The following SKA1 variants were observed in gnomAD, a reference collection of about 807,000 sequenced individuals.
SKA1 encodes the protein SKA complex subunit 1.
Under a neutral mutation model 31.8 loss-of-function variants are expected in SKA1, and 20 were observed. That is an observed-to-expected ratio of 0.63 (90% CI 0.44 to 0.91). The LOEUF (loss-of-function observed/expected upper bound fraction) is 0.91, where lower values mean the gene tolerates loss of function less well. Among genes scored for constraint, SKA1 ranks in the 40% least tolerant of loss-of-function variants. The pLI, the probability that SKA1 is intolerant of heterozygous loss-of-function variation, is 0.00. For missense variants in SKA1, 253 were observed against 298.2 expected (o/e 0.85, Z 1.12); for synonymous variants, 88 against 100.5 (o/e 0.88, Z 0.74).
chr18:50,375,403 G>T (rs1225985845), intron 1 of SKA1, among the ~76,000 whole-genome samples: 1 of 152,228 alleles, frequency 6.6e-6, no homozygotes, highest in Non-Finnish European at 1.5e-5. Flanking sequence ...ATCCCAAACT[G>T]TAAAGCCCCA....
At chr18:50,385,404 C>A in intron 5 of SKA1, 51 bp downstream of exon 5, 4 of 1,399,196 alleles carry the variant, frequency 2.9e-6, no homozygotes, top group South Asian at 2.9e-5. Flanking sequence ...CATAAATGAT[C>A]GTTTAAATAA....
Position 50,392,537 on chromosome 18 carries a change from T to A in SKA1, c.*290T>A, listed in dbSNP as rs1490051490. The A allele has an allele frequency of 5.5e-6, 1 of 182,544 alleles. No homozygotes were observed. The allele number at this position is 182,544 out of a possible 1,614,324, so 11.3% of individuals were successfully genotyped here. A position where few individuals can be genotyped will look rare whatever the true frequency, so the allele number is the denominator to read the frequency against. The stretch of plus-strand genomic sequence containing the variant: ...GCGTGCGCCACCATGCCTGGCTAAT[T>A]TTTGTATTTTTTGGAGAGATGGGGT... On this transcript the variant is annotated 3_prime_UTR_variant, in exon 7 of 7. Coordinates refer to ENST00000285116, the MANE Select transcript of SKA1 (RefSeq NM_145060.4).
chr18:50,375,793 C>A, intron 1 of SKA1, 27 bp from the exon 2 acceptor site: 2 of 1,384,200 alleles, frequency 1.4e-6, no homozygotes, highest in Non-Finnish European at 2.0e-6. Flanking sequence ...TTTCTTGTTA[C>A]GAATATGTTT....
chr18:50,384,870 T>TAAAAAAAAAAAAAAAAAAAA (rs1568329774), intron 4 of SKA1, among the ~76,000 whole-genome samples: 3 of 61,294 alleles, frequency 4.9e-5, no homozygotes, highest in Non-Finnish European at 8.6e-5. Flanking sequence ...AAAAAAAAAA[T>TAAAAAAAAAAAAAAAAAAAA]TAAAAAAAAA....
intron 2 of SKA1, among the ~76,000 whole-genome samples, chr18:50,376,652 A>C (rs576380294): frequency 2.0e-5 from 3 of 152,148 alleles, no homozygotes; most frequent in Non-Finnish European, 4.4e-5. Flanking sequence ...AAAAATGAAA[A>C]ACTTTCTTCA....
chr18:50,388,237 G>A lies in SKA1; in HGVS notation c.449+2884G>A, dbSNP rs759088696. On this transcript the variant is annotated intron_variant, in intron 5 of 6. Transcript: ENST00000285116. ...AGAGTAGCTAGGACTACAGGCGCCC[G>A]CCGCCACCATGCCAGGCTAATTTTT... is the stretch of plus-strand genomic sequence containing the variant. Among the ~76,000 whole-genome samples the A allele has an allele frequency of 2.6e-5, 4 of 152,146 alleles. No individual in the cohort carries two copies. In the East Asian group the frequency reaches 7.7e-4, roughly 29 times the overall value.
At chr18:50,377,993 G>A (rs935756421) in intron 2 of SKA1, among the ~76,000 whole-genome samples, 1 of 152,132 alleles carries the variant, frequency 6.6e-6, no homozygotes, top group African/African-American at 2.4e-5. Context: ...GGCTGGCCCA[G>A]GTCCCTCAGC....
At chr18:50,391,742 C>T (rs947673272) in intron 6 of SKA1, among the ~76,000 whole-genome samples, 3 of 152,018 alleles carry the variant, frequency 2.0e-5, no homozygotes, top group African/African-American at 4.8e-5. Context: ...GTATCACTTA[C>T]TGTTATTACT....
intron 2 of SKA1, among the ~76,000 whole-genome samples, chr18:50,376,863 C>T (rs1458838128): frequency 2.0e-5 from 3 of 151,516 alleles, no homozygotes; most frequent in Non-Finnish European, 4.4e-5. Context: ...TACACACACA[C>T]ACACACATTA....
At position 50,391,398 on chromosome 18, in the gene SKA1, T is replaced by C. The variant is rs1005394964; in HGVS notation, c.619+105T>C. ...AAAATTCTAAATCTAGAGTGTTAAT[T>C]CCCAACCAGGAGCAGTTATCCTACC... On this transcript the variant is annotated intron_variant, in intron 6 of 6. Coordinates refer to ENST00000285116, the MANE Select transcript of SKA1 (RefSeq NM_145060.4). 2.6e-6 allele frequency: 3 copies of C among 1,143,618 alleles called. No individual in the cohort carries two copies. The African/African-American group carries it at 4.9e-5, about 19-fold the overall frequency. The allele number at this position is 1,143,618 out of a possible 1,614,324, so 70.8% of individuals were successfully genotyped here. A position where few individuals can be genotyped will look rare whatever the true frequency, so the allele number is the denominator to read the frequency against.
rs751268542 is a variant in SKA1 at position 50,375,925 on chromosome 18, AAAAC to A, written c.88+9_88+12del. ...TTATCATTAAGAAACTGTGGTAAGT[AAAAC>A]AGATTCCACTGACTTTGTATATACA... On this transcript the variant is annotated splice_region_variant and intron_variant, in intron 2 of 6. Transcript: ENST00000285116. 6.6e-6 allele frequency: 10 copies of A among 1,525,938 alleles called. No homozygotes were observed. The highest frequency in any genetic ancestry group is 9.0e-6 in the Non-Finnish European group (10 of 1,107,638). 94.5% of individuals were successfully genotyped at this position (1,525,938 alleles called of 1,614,324 possible).
intron 6 of SKA1, among the ~76,000 whole-genome samples, chr18:50,391,506 T>C (rs1194526891): frequency 1.3e-5 from 2 of 152,242 alleles, no homozygotes; most frequent in Non-Finnish European, 2.9e-5. Flanking sequence ...AGGCCAGGGA[T>C]GCTGCTATAA....
chr18:50,382,172 A>G lies in SKA1; in HGVS notation c.257A>G (p.His86Arg), dbSNP rs143996428. Residue 86 changes from histidine (H) to arginine (R), a missense_variant, in exon 4 of 7, where the codon CAT (histidine) becomes CGT (arginine). Physicochemically the swap from His to Arg is conservative, Grantham distance 29. Coordinates refer to ENST00000285116, the MANE Select transcript of SKA1 (RefSeq NM_145060.4). ...GAAGAAGATTACAAAGACATAGAAC[A>G]TCTTAAAGAAAACGTTCCTTCCCAT... ...SLEEDYKDIEHLKENVPSHLP... is the reference protein window; with the variant it reads ...SLEEDYKDIERLKENVPSHLP... 2.5e-4 allele frequency: 385 copies of G among 1,545,734 alleles called. 1 individual carries two copies. The African/African-American group carries it at 5.2e-3, about 21-fold the overall frequency.
At chr18:50,391,401 C>A (rs2041355907) in intron 6 of SKA1, 108 bp downstream of exon 6, 4 of 1,090,430 alleles carry the variant, frequency 3.7e-6, no homozygotes, top group South Asian at 2.4e-5. Flanking sequence ...TGTTAATTCC[C>A]AACCAGGAGC....
At chr18:50,384,663 A>AGC (rs2041288728) in intron 4 of SKA1, among the ~76,000 whole-genome samples, 1 of 137,576 alleles carries the variant, frequency 7.3e-6, no homozygotes, top group African/African-American at 2.9e-5. Context: ...CAATGAGATC[A>AGC]CATGGACACA....
Position 50,391,237 on chromosome 18 carries a change from C to A in SKA1, c.563C>A (p.Ser188Tyr), listed in dbSNP as rs1053849147. ...ILHQPKKSMNSVTRNLYHRFI... is the reference protein window; with the variant it reads ...ILHQPKKSMNYVTRNLYHRFI... ...CATCAGCCAAAAAAGTCTATGAATT[C>A]TGTGACCAGAAATCTCTATCACAGA... is the stretch of plus-strand genomic sequence containing the variant. Residue 188 changes from serine (S) to tyrosine (Y), a missense_variant, in exon 6 of 7, where the codon TCT becomes TAT. Physicochemically the swap from Ser to Tyr is moderately radical, Grantham distance 144. Coordinates refer to ENST00000285116, the MANE Select transcript of SKA1 (RefSeq NM_145060.4). The A allele has an allele frequency of 6.2e-7, 1 of 1,604,546 alleles. No homozygotes were observed. Among genetic ancestry groups the A allele is most frequent in the South Asian group, 1.1e-5 (1 of 88,032 alleles).
At chr18:50,388,398 C>T (rs2041328120) in intron 5 of SKA1, among the ~76,000 whole-genome samples, 1 of 152,082 alleles carries the variant, frequency 6.6e-6, no homozygotes, top group Admixed American at 6.6e-5. Flanking sequence ...CCCTAGTTCC[C>T]ATTTCTTTTG....
chr18:50,377,379 T>TA (rs2041227026), intron 2 of SKA1, among the ~76,000 whole-genome samples: 1 of 152,152 alleles, frequency 6.6e-6, no homozygotes. Context: ...AAAGGCAAGT[T>TA]AAAAAAACTG....
rs1331060682 is a variant in SKA1 at position 50,382,083 on chromosome 18, A to G, written c.214-46A>G. 3 of 1,108,258 alleles carry G rather than the reference A, an allele frequency of 2.7e-6. No homozygotes were observed. The South Asian group carries it at 4.4e-5, about 16-fold the overall frequency. 68.7% of individuals were successfully genotyped at this position (1,108,258 alleles called of 1,614,324 possible). ...TGCTCTTTAGAATATCTTAAAACAC[A>G]CATGGGGAGGACAGAGACTTATTTG... is the stretch of plus-strand genomic sequence containing the variant. On this transcript the variant is annotated intron_variant, in intron 3 of 6. Transcript: ENST00000285116.
Sources: allele counts gnomAD v4.1 joint callset (sites outside exome capture counted in the v4.1 genomes callset), GRCh38; gene constraint gnomAD v4.1.1; transcripts MANE v1.5; gene names NCBI Gene and HGNC (gene_info 2026-07-23, HGNC 2026-07-21).